CSMD1: variants seen among roughly 807,000 people sequenced by gnomAD.
CSMD1 encodes the protein CUB and Sushi multiple domains 1.
Under a neutral mutation model 417.5 loss-of-function variants are expected in CSMD1, and 213 were observed. The observed-to-expected ratio is 0.51, with a 90% CI of 0.46 to 0.57. The LOEUF is 0.57. Among genes scored for constraint, CSMD1 ranks in the 20% least tolerant of loss-of-function variants. The pLI is 0.00. For missense variants in CSMD1, 6,923 were observed against 4,529.7 expected (o/e 1.53, Z -15.17); for synonymous variants, 2,862 against 1,736.8 (o/e 1.65, Z -16.11).
At chr8:4,289,966 T>A (rs1797271073) in intron 3 of CSMD1, among the ~76,000 whole-genome samples, 1 of 152,206 alleles carries the variant, frequency 6.6e-6, no homozygotes, top group African/African-American at 2.4e-5. Context: ...GGAGACTCAT[T>A]ATTTCATTCA....
intron 3 of CSMD1, among the ~76,000 whole-genome samples, chr8:4,074,132 G>T (rs1799701101): frequency 6.6e-6 from 1 of 151,980 alleles, no homozygotes; most frequent in African/African-American, 2.4e-5. Context: ...AGTTGATCAT[G>T]CTCTCCACGT....
At chr8:3,627,823 T>C (rs1233887942) in intron 7 of CSMD1, among the ~76,000 whole-genome samples, 1 of 152,198 alleles carries the variant, frequency 6.6e-6, no homozygotes. Context: ...ATAAATATAT[T>C]AAGGTGTCTG....
chr8:3,838,276 C>T (rs937348507), intron 5 of CSMD1, among the ~76,000 whole-genome samples: 1 of 151,968 alleles, frequency 6.6e-6, no homozygotes, highest in Non-Finnish European at 1.5e-5. Context: ...TGGCTCACAC[C>T]TGTAACCCCC....
intron 2 of CSMD1, among the ~76,000 whole-genome samples, chr8:4,606,563 C>G (rs1271247187): frequency 1.3e-5 from 2 of 152,152 alleles, no homozygotes; most frequent in African/African-American, 2.4e-5. Context: ...TGAAACACAG[C>G]ACTGTTCTCT....
At chr8:3,376,279 T>C (rs1288203994) in intron 18 of CSMD1, among the ~76,000 whole-genome samples, 1 of 152,070 alleles carries the variant, frequency 6.6e-6, no homozygotes, top group Non-Finnish European at 1.5e-5. Flanking sequence ...TGCCTGCAAG[T>C]ATGGATGAAA....
At chr8:4,864,998 T>C (rs1294202758) in intron 1 of CSMD1, among the ~76,000 whole-genome samples, 1 of 151,404 alleles carries the variant, frequency 6.6e-6, no homozygotes, top group Non-Finnish European at 1.5e-5. Flanking sequence ...AAATTTAGTC[T>C]GATTTTTTAA....
In CSMD1 at chr8:4,830,430, G is replaced by T. The variant is rs148036561; in HGVS notation, c.85+163902C>A. On this transcript the variant is annotated intron_variant, in intron 1 of 69. Coordinates refer to ENST00000635120, the MANE Select transcript of CSMD1 (RefSeq NM_033225.6). ...AATAACTGAACTTGTATGTTTGGAG[G>T]AACACTTACCGTTTCAGATAATGAC... Among the ~76,000 whole-genome samples, 1,048 of 152,286 alleles carry T rather than the reference G, an allele frequency of 6.9e-3. 16 individuals are homozygous for T. Among genetic ancestry groups the T allele is most frequent in the Non-Finnish European group, 0.01 (700 of 68,030 alleles).
intron 27 of CSMD1, among the ~76,000 whole-genome samples, chr8:3,226,576 T>G (rs1453517066): frequency 7.2e-6 from 1 of 137,964 alleles, no homozygotes; most frequent in East Asian, 2.1e-4. Flanking sequence ...AGCAAGACTC[T>G]GTCTCAAAAA....
rs369171021 is a variant in CSMD1 at position 3,097,009 on chromosome 8, A to C, written c.6978T>G (p.Thr2326=). The C allele has an allele frequency of 2.8e-4, 436 of 1,550,178 alleles. 3 individuals are homozygous for C. In the African/African-American group the frequency reaches 5.5e-3, roughly 19 times the overall value. Residue 2326 remains threonine, a synonymous_variant, in exon 47 of 70, where the codon ACT becomes ACG. Coordinates refer to ENST00000635120, the MANE Select transcript of CSMD1 (RefSeq NM_033225.6). Reference sequence around the variant, plus strand: ...GACTGAGAATGACTCCCGATGATCCAGTCCGGACTTCATTTGCTGGGCATT... The same window carrying C: ...GACTGAGAATGACTCCCGATGATCCCGTCCGGACTTCATTTGCTGGGCATT... ...EAQCPANEVR[T]GSSGVILSPG... is the part of the protein sequence containing the mutation.
intron 5 of CSMD1, among the ~76,000 whole-genome samples, chr8:3,792,536 A>C: frequency 6.6e-6 from 1 of 152,078 alleles, no homozygotes; most frequent in East Asian, 1.9e-4. Context: ...CAATTGATTT[A>C]TTTTTCAGAC....
chr8:2,989,077 T>C (rs1037623282), intron 54 of CSMD1, among the ~76,000 whole-genome samples: 5 of 152,194 alleles, frequency 3.3e-5, no homozygotes, highest in African/African-American at 1.2e-4. Flanking sequence ...CAACAGCACA[T>C]TTATGTGAGA....
At chr8:4,520,701 A>G (rs10090075) in intron 2 of CSMD1, among the ~76,000 whole-genome samples, 27,840 of 152,146 alleles carry the variant, frequency 0.18, 2,599 homozygotes, top group South Asian at 0.2. Flanking sequence ...TGTATGTGAA[A>G]GTCAGAATCC....
intron 2 of CSMD1, among the ~76,000 whole-genome samples, chr8:4,524,977 G>A (rs965564340): frequency 1.4e-4 from 22 of 152,056 alleles, no homozygotes; most frequent in African/African-American, 3.9e-4. Context: ...AACTTGCCAC[G>A]TATTTTTTTT....
At chr8:3,256,075 C>G (rs1213909864) in intron 26 of CSMD1, among the ~76,000 whole-genome samples, 4 of 152,054 alleles carry the variant, frequency 2.6e-5, no homozygotes, top group Admixed American at 2.6e-4. Context: ...CACCTGTAAT[C>G]CCAGGACTTT....
At chr8:3,260,428 C>T (rs770158449) in intron 26 of CSMD1, among the ~76,000 whole-genome samples, 2 of 151,934 alleles carry the variant, frequency 1.3e-5, no homozygotes, top group Non-Finnish European at 2.9e-5. Flanking sequence ...ATCCTCCAGC[C>T]CCATCGGGGT....
At chr8:3,989,607 T>C (rs1814595538) in intron 5 of CSMD1, among the ~76,000 whole-genome samples, 1 of 152,200 alleles carries the variant, frequency 6.6e-6, no homozygotes, top group Non-Finnish European at 1.5e-5. Flanking sequence ...TCAGGTGCCA[T>C]CTATTTTAAA....
intron 6 of CSMD1, among the ~76,000 whole-genome samples, chr8:3,745,310 C>A (rs1483228653): frequency 6.6e-6 from 1 of 152,190 alleles, no homozygotes; most frequent in Non-Finnish European, 1.5e-5. Context: ...ATGGTCAGCT[C>A]TGCAAGAACC....
intron 11 of CSMD1, among the ~76,000 whole-genome samples, chr8:3,469,856 T>C (rs1168191710): frequency 6.6e-6 from 1 of 152,236 alleles, no homozygotes; most frequent in Non-Finnish European, 1.5e-5. Context: ...TTTCTGTGAA[T>C]GCTGTGTGGT....
chr8:3,316,791 G>C (rs1175513666), intron 23 of CSMD1, among the ~76,000 whole-genome samples: 1 of 152,188 alleles, frequency 6.6e-6, no homozygotes, highest in Non-Finnish European at 1.5e-5. Context: ...AACTCAGCGT[G>C]CAGTGGGGGG....
Sources: allele counts gnomAD v4.1 joint callset (sites outside exome capture counted in the v4.1 genomes callset), GRCh38; gene constraint gnomAD v4.1.1; transcripts MANE v1.5; gene names NCBI Gene and HGNC (gene_info 2026-07-23, HGNC 2026-07-21).